The following SEC24D variants were observed in gnomAD, a reference collection of about 807,000 sequenced individuals.
SEC24D encodes SEC24 homolog D, COPII component.
Under a neutral mutation model 116.9 loss-of-function variants are expected in SEC24D, and 69 were observed. The ratio of observed to expected loss-of-function variants is 0.59; its 90% CI spans 0.49 to 0.72. SEC24D has a LOEUF of 0.72. Among genes scored for constraint, SEC24D ranks in the 30% least tolerant of loss-of-function variants. The pLI, the probability that SEC24D is intolerant of heterozygous loss-of-function variation, is 0.00. For missense variants in SEC24D, 1,131 were observed against 1,264.1 expected (o/e 0.89, Z 1.60); for synonymous variants, 405 against 442.8 (o/e 0.91, Z 1.07).
rs575435708 is a variant in SEC24D at position 118,731,254 on chromosome 4, T to C, written c.2868+62A>G. ...TCTGTAATATTTGACTGCACATAAA[T>C]AAAAACATTTACGAATTTATATTTT... On this transcript the variant is annotated intron_variant, in intron 21 of 22. Coordinates refer to ENST00000280551, the MANE Select transcript of SEC24D (RefSeq NM_014822.4). 35 of 1,387,656 alleles carry C rather than the reference T, an allele frequency of 2.5e-5. No individual in the cohort carries two copies. The East Asian group carries it at 7.8e-4, about 31-fold the overall frequency. The allele number at this position is 1,387,656 out of a possible 1,614,324, so 86.0% of individuals were successfully genotyped here. A position where few individuals can be genotyped will look rare whatever the true frequency, so the allele number is the denominator to read the frequency against.
intron 7 of SEC24D, among the ~76,000 whole-genome samples, chr4:118,804,508 A>G (rs1729583698): frequency 6.6e-6 from 1 of 151,824 alleles, no homozygotes; most frequent in Admixed American, 6.6e-5. Context: ...TATTAAATAA[A>G]TAGATATTAA....
intron 13 of SEC24D, among the ~76,000 whole-genome samples, chr4:118,749,332 T>A (rs1726711322): frequency 6.6e-6 from 1 of 152,224 alleles, no homozygotes; most frequent in Non-Finnish European, 1.5e-5. Flanking sequence ...TTTATCTTCA[T>A]GACAAATTAG....
At chr4:118,828,468 T>C (rs533248128) in intron 2 of SEC24D, among the ~76,000 whole-genome samples, 9 of 152,276 alleles carry the variant, frequency 5.9e-5, no homozygotes, top group Non-Finnish European at 1.5e-5. Flanking sequence ...AAGGGCGATT[T>C]TGCCCCTAAA....
chr4:118,724,546 G>A (rs1271417772), intron 22 of SEC24D, among the ~76,000 whole-genome samples: 2 of 152,006 alleles, frequency 1.3e-5, no homozygotes, highest in East Asian at 3.9e-4. Flanking sequence ...TAGATATACT[G>A]GGTTAAATTA....
chr4:118,801,329 T>A (rs1301776657), intron 7 of SEC24D, among the ~76,000 whole-genome samples: 3 of 150,408 alleles, frequency 2.0e-5, no homozygotes. Context: ...TTGAAGAAAA[T>A]CAGTCTGCCC....
intron 18 of SEC24D, 64 bp from the exon 19 acceptor site, chr4:118,738,443 C>A: frequency 1.8e-5 from 20 of 1,108,594 alleles, no homozygotes; most frequent in Admixed American, 1.7e-4. Context: ...TTCAAATAAT[C>A]AAACAAAAAA....
chr4:118,768,392 C>CA, intron 8 of SEC24D, 81 bp from the exon 9 acceptor site: 31 of 861,176 alleles, frequency 3.6e-5, no homozygotes, highest in Non-Finnish European at 4.9e-5. Context: ...CTTTTAATGG[C>CA]ACTTTTTTTT....
intron 8 of SEC24D, among the ~76,000 whole-genome samples, chr4:118,792,989 A>G (rs954681524): frequency 6.6e-6 from 1 of 152,188 alleles, no homozygotes; most frequent in East Asian, 1.9e-4. Context: ...GTTACAGATG[A>G]TATTTAGTTT....
At chr4:118,817,503 G>T (rs1730202629) in intron 3 of SEC24D, 91 bp from the exon 4 acceptor site, 3 of 1,138,178 alleles carry the variant, frequency 2.6e-6, no homozygotes, top group Non-Finnish European at 3.6e-6. Context: ...ATTAAATTAA[G>T]CCTGTCTAGT....
chr4:118,789,466 G>A (rs1578436827), intron 8 of SEC24D, among the ~76,000 whole-genome samples: 1 of 152,116 alleles, frequency 6.6e-6, no homozygotes, highest in Non-Finnish European at 1.5e-5. Context: ...TCCATTAATC[G>A]GTTCCTTGAC....
At chr4:118,742,269 C>A (rs930508846) in intron 15 of SEC24D, among the ~76,000 whole-genome samples, 1 of 151,982 alleles carries the variant, frequency 6.6e-6, no homozygotes, top group Non-Finnish European at 1.5e-5. Context: ...CAAGTCACTA[C>A]CATGTAGATG....
rs369529438 is a variant in SEC24D, at chr4:118,757,831, G to C, written c.1311C>G (p.Pro437=). The C allele has an allele frequency of 1.1e-5, 17 of 1,608,518 alleles. No individual in the cohort carries two copies. In the African/African-American group the frequency reaches 2.0e-4, roughly 19 times the overall value. ...TCATGAAGATAAAGGCTGGTGGGTTGGGAGGCTTACTCTTCTATAGGAAAG... is the reference window on the plus strand; with the variant it reads ...TCATGAAGATAAAGGCTGGTGGGTTCGGAGGCTTACTCTTCTATAGGAAAG... ...TLDYCRKSKP[P]NPPAFIFMID... Residue 437 remains proline, a synonymous_variant, in exon 11 of 23, where the codon CCC becomes CCG. Transcript: ENST00000280551.
At chr4:118,818,640 C>T (rs1028159488) in intron 3 of SEC24D, among the ~76,000 whole-genome samples, 2 of 152,118 alleles carry the variant, frequency 1.3e-5, no homozygotes, top group Admixed American at 1.3e-4. Flanking sequence ...CTCTTTTCCA[C>T]TCATACCTCT....
chr4:118,759,004 C>G (rs1357378367), intron 10 of SEC24D, among the ~76,000 whole-genome samples: 1 of 152,136 alleles, frequency 6.6e-6, no homozygotes, highest in Non-Finnish European at 1.5e-5. Flanking sequence ...AAAATAACAA[C>G]CTTTCCATTA....
At position 118,737,217 on chromosome 4, in the gene SEC24D, A is replaced by G. The variant is rs114319532; in HGVS notation, c.2496+1044T>C. Among the ~76,000 whole-genome samples the G allele has an allele frequency of 9.5e-3, 1,451 of 152,352 alleles. 17 individuals are homozygous for G. The highest frequency in any genetic ancestry group is 0.033 in the African/African-American group (1,386 of 41,582). On this transcript the variant is annotated intron_variant, in intron 19 of 22. Coordinates refer to ENST00000280551, the MANE Select transcript of SEC24D (RefSeq NM_014822.4). ...TGTAACCTGAACTAGCATGCTATGA[A>G]ATAGTACTGATATTTGAGTTGACTA...
chr4:118,738,343 A>T lies in SEC24D; in HGVS notation c.2414T>A (p.Ile805Asn). ...AGTCTGATTAACTAGAATTTCCCGGATGACCTTCAAAGGCTGGTGGAGAAC... is the reference window on the plus strand; with the variant it reads ...AGTCTGATTAACTAGAATTTCCCGGTTGACCTTCAAAGGCTGGTGGAGAAC... ...KAVLHQPLKV[I>N]REILVNQTAH... is the part of the protein sequence containing the mutation. The change falls in exon 19 of 23, where the codon ATC (isoleucine) becomes AAC (asparagine). Residue 805 changes from isoleucine (I) to asparagine (N), a missense_variant. Physicochemically the swap from Ile to Asn is moderately radical, Grantham distance 149. Coordinates refer to ENST00000280551, the MANE Select transcript of SEC24D (RefSeq NM_014822.4). The T allele has an allele frequency of 1.2e-6, 2 of 1,613,508 alleles. No individual in the cohort carries two copies. The highest frequency in any genetic ancestry group is 1.7e-6 in the Non-Finnish European group (2 of 1,179,498).
At chr4:118,831,557 G>C (rs1038074550) in intron 2 of SEC24D, among the ~76,000 whole-genome samples, 2 of 151,860 alleles carry the variant, frequency 1.3e-5, no homozygotes, top group African/African-American at 4.8e-5. Context: ...GGACAGCTTT[G>C]AATATGGCCC....
intron 3 of SEC24D, among the ~76,000 whole-genome samples, chr4:118,822,226 ATGAGGAAAC>A (rs1286101125): frequency 6.6e-6 from 1 of 152,210 alleles, no homozygotes; most frequent in African/African-American, 2.4e-5. Flanking sequence ...TAAAATCGTC[ATGAGGAAAC>A]CGAGGCACAC....
At chr4:118,797,843 G>T in intron 7 of SEC24D, 33 bp from the exon 8 acceptor site, 1 of 1,521,546 alleles carries the variant, frequency 6.6e-7, no homozygotes, top group Non-Finnish European at 8.9e-7. Context: ...CTTAAAACTT[G>T]TTTAGAAAAA....
Sources: gnomAD v4.1 joint callset for allele counts (sites outside exome capture counted in the v4.1 genomes callset) on GRCh38, gnomAD v4.1.1 for gene constraint, MANE v1.5 for transcripts, NCBI Gene and HGNC (gene_info 2026-07-23, HGNC 2026-07-21) for gene names.